The following CASP5 variants were observed in gnomAD, a reference collection of about 807,000 sequenced individuals.
CASP5 encodes caspase-5.
CASP5 carries 42 observed loss-of-function variants against 45.2 expected under a neutral mutation model. The observed-to-expected ratio is 0.93, with a 90% CI of 0.73 to 1.20. The LOEUF (loss-of-function observed/expected upper bound fraction) is 1.20, where lower values mean the gene tolerates loss of function less well. Ranked by LOEUF, CASP5 falls within the 50% of genes most tolerant of loss-of-function variation. CASP5 has a pLI of 0.00. For missense variants in CASP5, 512 were observed against 532.2 expected, an observed-to-expected ratio of 0.96 and a Z score of 0.37; for synonymous variants, 209 against 186.2, an observed-to-expected ratio of 1.12 and a Z score of -1.00.
intron 1 of CASP5, among the ~76,000 whole-genome samples, chr11:105,020,310 G>A (rs1395895029): frequency 8.6e-5 from 13 of 151,948 alleles, no homozygotes; most frequent in East Asian, 1.9e-4. Context: ...TGGCCAGGGC[G>A]ATCAGGCAGG....
At chr11:105,007,728 G>T (rs768576316) in intron 2 of CASP5, among the ~76,000 whole-genome samples, 8 of 152,052 alleles carry the variant, frequency 5.3e-5, no homozygotes, top group Non-Finnish European at 1.0e-4. Flanking sequence ...AATACTACTA[G>T]ACTATACAAT....
rs374502671 is a variant in CASP5, at chr11:104,996,763, T to C, written c.1206+620A>G. On this transcript the variant is annotated intron_variant, in intron 8 of 9. Transcript: ENST00000260315. ...GACACATAAATAAACTATTAATATA[T>C]GCTTAATGGGAGGAGGTAAGAACTG... Among the ~76,000 whole-genome samples, 47 of 152,256 alleles carry C rather than the reference T, an allele frequency of 3.1e-4. 2 individuals carry two copies. The South Asian group carries it at 9.3e-3, about 30-fold the overall frequency.
At chr11:105,013,790 C>G (rs533335201) in intron 1 of CASP5, among the ~76,000 whole-genome samples, 5 of 152,120 alleles carry the variant, frequency 3.3e-5, no homozygotes, top group Admixed American at 1.3e-4. Flanking sequence ...TCTTCTATTT[C>G]CATCCTTCAT....
intron 2 of CASP5, 43 bp from the exon 3 acceptor site, chr11:105,007,377 A>T (rs540098693): frequency 6.4e-7 from 1 of 1,555,622 alleles, no homozygotes; most frequent in South Asian, 1.2e-5. Context: ...GGCACAGCTT[A>T]AAGAGTTCTG....
At chr11:105,001,265 C>G (rs777648437) in intron 5 of CASP5, among the ~76,000 whole-genome samples, 1 of 152,228 alleles carries the variant, frequency 6.6e-6, no homozygotes, top group Non-Finnish European at 1.5e-5. Flanking sequence ...TACCTCCACT[C>G]TAACCTAGAT....
intron 1 of CASP5, among the ~76,000 whole-genome samples, chr11:105,022,247 A>C (rs112474321): frequency 2.6e-5 from 4 of 151,756 alleles, no homozygotes; most frequent in African/African-American, 9.7e-5. Context: ...CCAGCATGTC[A>C]CATGTATACA....
At chr11:105,004,307 T>A (rs1377931500) in intron 3 of CASP5, among the ~76,000 whole-genome samples, 6 of 152,196 alleles carry the variant, frequency 3.9e-5, no homozygotes, top group Non-Finnish European at 8.8e-5. Context: ...TATTTTATAA[T>A]GTGAGGAAAT....
chr11:105,021,802 T>A (rs1423979202), intron 1 of CASP5, among the ~76,000 whole-genome samples: 7 of 150,534 alleles, frequency 4.7e-5, no homozygotes, highest in Admixed American at 2.0e-4. Flanking sequence ...CAGCCATCCC[T>A]TTACTGGGTA....
At chr11:105,013,742 C>T (rs924067631) in intron 1 of CASP5, among the ~76,000 whole-genome samples, 2 of 152,028 alleles carry the variant, frequency 1.3e-5, no homozygotes, top group African/African-American at 4.8e-5. Context: ...CTCCCACAAC[C>T]TCATTCAATT....
rs372557464 is a variant in CASP5 at position 105,008,636 on chromosome 11, C to T, written c.181+171G>A. On this transcript the variant is annotated intron_variant, in intron 2 of 9. Transcript: ENST00000260315. ...CTTTTAGCCGATTGGAAACTGGATC[C>T]CACCCCACAAAAGACAAGGTAGTCC... 3.3e-5 allele frequency among the ~76,000 whole-genome samples: 5 copies of T among 152,016 alleles called. No individual in the cohort carries two copies. The East Asian group carries it at 9.6e-4, about 29-fold the overall frequency.
At chr11:105,014,784 G>A (rs1862507019) in intron 1 of CASP5, among the ~76,000 whole-genome samples, 1 of 152,280 alleles carries the variant, frequency 6.6e-6, no homozygotes, top group African/African-American at 2.4e-5. Flanking sequence ...TTACAGTCAA[G>A]TGGAAAGATA....
At chr11:105,003,910 A>G (rs906376117) in intron 3 of CASP5, among the ~76,000 whole-genome samples, 6 of 151,632 alleles carry the variant, frequency 4.0e-5, no homozygotes, top group African/African-American at 7.3e-5. Flanking sequence ...TTATTTCAAC[A>G]TATGTCACTA....
intron 3 of CASP5, 36 bp from the exon 4 acceptor site, chr11:105,003,419 G>T: frequency 8.2e-7 from 1 of 1,213,478 alleles, no homozygotes; most frequent in Non-Finnish European, 1.2e-6. Flanking sequence ...TATGGTTTCT[G>T]CCTCTGTGAC....
At chr11:105,001,918 A>G in intron 5 of CASP5, 110 bp downstream of exon 5, 2 of 1,023,448 alleles carry the variant, frequency 2.0e-6, no homozygotes, top group Non-Finnish European at 2.9e-6. Context: ...ACACACACGC[A>G]CACGAACCCA....
At chr11:105,009,826 C>T (rs933965602) in intron 1 of CASP5, among the ~76,000 whole-genome samples, 4 of 90,902 alleles carry the variant, frequency 4.4e-5, no homozygotes, top group Admixed American at 1.1e-4. Flanking sequence ...TATATATATA[C>T]ACATATATAT....
chr11:104,998,129 G>T (rs1861548625), intron 7 of CASP5, among the ~76,000 whole-genome samples: 1 of 152,138 alleles, frequency 6.6e-6, no homozygotes, highest in South Asian at 2.1e-4. Flanking sequence ...GAGAGCTGGA[G>T]GAATCTTTTG....
chr11:105,010,424 C>G (rs1406409618), intron 1 of CASP5, among the ~76,000 whole-genome samples: 1 of 120,406 alleles, frequency 8.3e-6, no homozygotes, highest in Non-Finnish European at 1.9e-5. Context: ...TTATTATACT[C>G]ATATAATAAA....
chr11:105,001,969 A>G, intron 5 of CASP5, 59 bp downstream of exon 5: 1 of 1,539,146 alleles, frequency 6.5e-7, no homozygotes, highest in Non-Finnish European at 8.9e-7. Context: ...AAGCTAACTA[A>G]TTATTAGAAG....
Position 105,003,227 on chromosome 11 carries a change from G to A in CASP5, c.543+47C>T, listed in dbSNP as rs770782673. On this transcript the variant is annotated intron_variant, in intron 4 of 9. Transcript: ENST00000260315. ...AAAATGTGCATTGCATTTAATGAAA[G>A]CAATTGTTTCTCTCTTCTTCCCCAT... The A allele has an allele frequency of 1.5e-5, 17 of 1,144,764 alleles. No homozygotes were observed. The South Asian group carries it at 1.5e-4, about 10-fold the overall frequency. 70.9% of individuals were successfully genotyped at this position (1,144,764 alleles called of 1,614,324 possible). A position where few individuals can be genotyped will look rare whatever the true frequency, so the allele number is the denominator to read the frequency against.
Sources: gnomAD v4.1 joint callset for allele counts (sites outside exome capture counted in the v4.1 genomes callset) on GRCh38, gnomAD v4.1.1 for gene constraint, MANE v1.5 for transcripts, NCBI Gene and HGNC (gene_info 2026-07-23, HGNC 2026-07-21) for gene names.